Variants in ZBTB20 observed in about 807,000 individuals in gnomAD.
ZBTB20 encodes the protein zinc finger and BTB domain-containing protein 20.
Under a neutral mutation model 56.9 loss-of-function variants are expected in ZBTB20, and 9 were observed. The observed-to-expected ratio is 0.16, with a 90% CI of 0.10 to 0.28. ZBTB20 has a LOEUF of 0.28. Ranked by LOEUF, ZBTB20 falls within the 10% of genes least tolerant of loss-of-function variation. The probability of loss-of-function intolerance (pLI) is 1.00; values close to 1 mark genes in which losing one functional copy is unlikely to be tolerated. For synonymous variants in ZBTB20, 417 were observed against 420.7 expected (o/e 0.99, Z 0.11); for missense variants, 655 against 1,003.0 (o/e 0.65, Z 4.69).
At chr3:114,640,078 A>G (rs1220130016) in intron 6 of ZBTB20, among the ~76,000 whole-genome samples, 2 of 152,018 alleles carry the variant, frequency 1.3e-5, no homozygotes, top group East Asian at 3.9e-4. Context: ...AGTTATAAAA[A>G]TAATTTAACT....
intron 6 of ZBTB20, among the ~76,000 whole-genome samples, chr3:114,506,238 A>G (rs2109745884): frequency 6.6e-6 from 1 of 152,290 alleles, no homozygotes; most frequent in Middle Eastern, 3.4e-3. Flanking sequence ...TATGATAACA[A>G]TCCTAAAAAA....
At chr3:114,722,940 G>C (rs915428463) in intron 5 of ZBTB20, among the ~76,000 whole-genome samples, 5 of 152,178 alleles carry the variant, frequency 3.3e-5, no homozygotes, top group Non-Finnish European at 4.4e-5. Context: ...ATTTCACTCA[G>C]TAATTAAACT....
At position 114,932,410 on chromosome 3, in the gene ZBTB20, G is replaced by T. The variant is rs374702351; in HGVS notation, c.-455-32068C>A. Reference sequence around the variant, plus strand: ...GTACATTCTGCCACTGCTGGACCTAGAATCATAGTCTCCTTTCCTACCAGC... The same window carrying T: ...GTACATTCTGCCACTGCTGGACCTATAATCATAGTCTCCTTTCCTACCAGC... On this transcript the variant is annotated intron_variant, in intron 3 of 11. Transcript: ENST00000675478. Among the ~76,000 whole-genome samples the T allele has an allele frequency of 3.9e-5, 6 of 152,306 alleles. No individual in the cohort carries two copies. The East Asian group carries it at 1.2e-3, about 29-fold the overall frequency.
chr3:114,672,797 G>A (rs2061423478), intron 6 of ZBTB20, among the ~76,000 whole-genome samples: 1 of 152,136 alleles, frequency 6.6e-6, no homozygotes, highest in South Asian at 2.1e-4. Flanking sequence ...ACCTGCTTGA[G>A]CCATCATTTT....
intron 5 of ZBTB20, among the ~76,000 whole-genome samples, chr3:114,698,645 GA>G (rs2063204032): frequency 6.6e-6 from 1 of 152,118 alleles, no homozygotes; most frequent in African/African-American, 2.4e-5. Flanking sequence ...GCTGGGCAGG[GA>G]ACTTGATTTC....
intron 6 of ZBTB20, among the ~76,000 whole-genome samples, chr3:114,657,525 T>A (rs2060481996): frequency 6.6e-6 from 1 of 152,234 alleles, no homozygotes; most frequent in South Asian, 2.1e-4. Context: ...GGGTAACTTA[T>A]ATGTAGATTC....
At chr3:114,542,655 A>G (rs2110115405) in intron 6 of ZBTB20, among the ~76,000 whole-genome samples, 1 of 152,312 alleles carries the variant, frequency 6.6e-6, no homozygotes, top group South Asian at 2.1e-4. Flanking sequence ...TCCTTTCAAC[A>G]GTAATCTCAT....
chr3:115,033,285 A>G (rs1463632283), intron 2 of ZBTB20, among the ~76,000 whole-genome samples: 1 of 151,582 alleles, frequency 6.6e-6, no homozygotes, highest in Non-Finnish European at 1.5e-5. Context: ...ATTCCTAGAA[A>G]AACAAAACCT....
At chr3:114,386,869 G>T (rs1246598114) in intron 8 of ZBTB20, among the ~76,000 whole-genome samples, 4 of 152,076 alleles carry the variant, frequency 2.6e-5, no homozygotes, top group Non-Finnish European at 4.4e-5. Context: ...AATAAAATAG[G>T]TTCTGTCTTA....
chr3:114,910,907 C>T (rs958282558), intron 3 of ZBTB20, among the ~76,000 whole-genome samples: 7 of 152,002 alleles, frequency 4.6e-5, no homozygotes, highest in African/African-American at 1.7e-4. Context: ...AGCAGCTTTA[C>T]TATGATGTTC....
rs2091335906 is a variant in ZBTB20, at chr3:114,447,421, G to A, written c.-255+52931C>T. Among the ~76,000 whole-genome samples, 3 of 152,270 alleles carry A rather than the reference G, an allele frequency of 2.0e-5. No homozygotes were observed. The South Asian group carries it at 6.2e-4, about 32-fold the overall frequency. On this transcript the variant is annotated intron_variant, in intron 7 of 11. Coordinates refer to ENST00000675478, the MANE Select transcript of ZBTB20 (RefSeq NM_001348800.3). ...TATATTTTTCTACATTTACAAATTA[G>A]CTAATGAATAAGTGTATTCCACAAT...
intron 7 of ZBTB20, among the ~76,000 whole-genome samples, chr3:114,435,456 G>T (rs1344712698): frequency 2.0e-5 from 3 of 151,986 alleles, no homozygotes; most frequent in Non-Finnish European, 4.4e-5. Flanking sequence ...AATATCCTTT[G>T]GTCACACAGC....
At chr3:114,830,234 G>A (rs1239417765) in intron 4 of ZBTB20, among the ~76,000 whole-genome samples, 1 of 151,848 alleles carries the variant, frequency 6.6e-6, no homozygotes, top group Non-Finnish European at 1.5e-5. Context: ...GCCAAATTCT[G>A]AACTTACCAA....
At chr3:114,483,761 A>AAG (rs570039334) in intron 7 of ZBTB20, among the ~76,000 whole-genome samples, 4 of 152,166 alleles carry the variant, frequency 2.6e-5, no homozygotes, top group Non-Finnish European at 5.9e-5. Context: ...TGAGGCTTTT[A>AAG]AGAGAATTTT....
intron 1 of ZBTB20, among the ~76,000 whole-genome samples, chr3:115,076,846 G>T (rs1321520060): frequency 1.3e-5 from 2 of 152,188 alleles, no homozygotes; most frequent in Non-Finnish European, 2.9e-5. Flanking sequence ...CCAAGGACAG[G>T]AGGATGGTTT....
intron 7 of ZBTB20, among the ~76,000 whole-genome samples, chr3:114,398,760 G>T (rs2086557986): frequency 6.6e-6 from 1 of 152,126 alleles, no homozygotes; most frequent in African/African-American, 2.4e-5. Flanking sequence ...GGAAGTCAGG[G>T]TAAGTATTGT....
intron 10 of ZBTB20, among the ~76,000 whole-genome samples, chr3:114,358,665 C>G (rs1203563053): frequency 2.7e-4 from 41 of 152,136 alleles, no homozygotes; most frequent in Non-Finnish European, 2.9e-5. Context: ...GTAAATACAA[C>G]TGACTTATGA....
intron 4 of ZBTB20, among the ~76,000 whole-genome samples, chr3:114,815,295 C>A (rs896815880): frequency 6.6e-6 from 1 of 152,028 alleles, no homozygotes; most frequent in Admixed American, 6.5e-5. Context: ...ATTAACTTTT[C>A]GTGACTATGA....
chr3:114,834,215 T>C (rs2074004763), intron 4 of ZBTB20, among the ~76,000 whole-genome samples: 1 of 152,166 alleles, frequency 6.6e-6, no homozygotes, highest in Admixed American at 6.6e-5. Context: ...TAAAGAATAA[T>C]AGAGCCTAAC....
Sources: allele counts gnomAD v4.1 joint callset (sites outside exome capture counted in the v4.1 genomes callset), GRCh38; gene constraint gnomAD v4.1.1; transcripts MANE v1.5; gene names NCBI Gene and HGNC (gene_info 2026-07-23, HGNC 2026-07-21).